AFAP1: variants seen among roughly 807,000 people sequenced by gnomAD.
The protein encoded by AFAP1 is actin filament-associated protein 1.
AFAP1 carries 75 observed loss-of-function variants against 93.9 expected under a neutral mutation model. The observed-to-expected ratio is 0.80, with a 90% CI of 0.66 to 0.97. The LOEUF (loss-of-function observed/expected upper bound fraction) is 0.97, where lower values mean the gene tolerates loss of function less well. AFAP1 is among the 50% of genes least tolerant of loss of function. The pLI is 0.00. For synonymous variants in AFAP1, 517 were observed against 430.7 expected (o/e 1.20, Z -2.48); for missense variants, 1,201 against 1,050.8 (o/e 1.14, Z -1.98).
At chr4:7,850,691 A>G (rs1222660400) in intron 4 of AFAP1, among the ~76,000 whole-genome samples, 1 of 152,178 alleles carries the variant, frequency 6.6e-6, no homozygotes, top group African/African-American at 2.4e-5. Flanking sequence ...CATGTTGCGC[A>G]CCCTGCTGGT....
intron 1 of AFAP1, among the ~76,000 whole-genome samples, chr4:7,918,003 G>T (rs1309056992): frequency 6.6e-6 from 1 of 152,230 alleles, no homozygotes; most frequent in Non-Finnish European, 1.5e-5. Context: ...ACCAGCTGTT[G>T]CTTGAACCAG....
intron 3 of AFAP1, among the ~76,000 whole-genome samples, chr4:7,856,541 A>G (rs1054951530): frequency 2.0e-5 from 3 of 152,136 alleles, no homozygotes; most frequent in African/African-American, 4.8e-5. Flanking sequence ...CACCTGGCCC[A>G]TCACAATTTT....
chr4:7,811,169 G>C (rs1230843258), intron 8 of AFAP1, among the ~76,000 whole-genome samples: 1 of 152,220 alleles, frequency 6.6e-6, no homozygotes, highest in Non-Finnish European at 1.5e-5. Flanking sequence ...CTGGAGCTGA[G>C]GGGACAGAGA....
rs11736215 is a variant in AFAP1, at chr4:7,760,775, A to C, written c.*2990T>G. On this transcript the variant is annotated 3_prime_UTR_variant, in exon 18 of 18. Transcript: ENST00000420658. ...AGTGACACTGTGGCTCAAGGTTAGAATGGAAGGAGCCCTGAGCCCCGCAGG... is the reference window on the plus strand; with the variant it reads ...AGTGACACTGTGGCTCAAGGTTAGACTGGAAGGAGCCCTGAGCCCCGCAGG... The C allele has an allele frequency of 0.35, 53,241 of 152,308 alleles. 10,473 individuals carry two copies. The highest frequency in any genetic ancestry group is 0.46 in the Non-Finnish European group (30,972 of 68,026). The allele number at this position is 152,308 out of a possible 1,614,324, so 9.4% of individuals were successfully genotyped here. A position where few individuals can be genotyped will look rare whatever the true frequency, so the allele number is the denominator to read the frequency against.
At chr4:7,777,722 C>T (rs1455652719) in intron 14 of AFAP1, 2 of 152,220 alleles carry the variant, frequency 1.3e-5, no homozygotes, top group Non-Finnish European at 2.9e-5. Flanking sequence ...AACATCTGCA[C>T]CTAACTCCCA....
At chr4:7,766,356 C>T (rs1714576503) in intron 17 of AFAP1, among the ~76,000 whole-genome samples, 1 of 152,208 alleles carries the variant, frequency 6.6e-6, no homozygotes, top group Non-Finnish European at 1.5e-5. Context: ...CCCCCATTTC[C>T]TCCCAGGCAG....
At chr4:7,884,034 C>T (rs992891241) in intron 1 of AFAP1, among the ~76,000 whole-genome samples, 7 of 152,114 alleles carry the variant, frequency 4.6e-5, no homozygotes, top group African/African-American at 1.4e-4. Flanking sequence ...GGGTGGATCC[C>T]TCATGGCTTG....
At chr4:7,821,852 T>C (rs1720998494) in intron 6 of AFAP1, among the ~76,000 whole-genome samples, 2 of 152,102 alleles carry the variant, frequency 1.3e-5, no homozygotes, top group South Asian at 2.1e-4. Flanking sequence ...TCAGCTGTTT[T>C]ATGAAAAAAC....
rs142842842 is a variant in AFAP1 at position 7,858,937 on chromosome 4, C to T, written c.226-3363G>A. Among the ~76,000 whole-genome samples, 488 of 152,338 alleles carry T rather than the reference C, an allele frequency of 3.2e-3. 3 individuals carry two copies. Among genetic ancestry groups the T allele is most frequent in the African/African-American group, 0.011 (468 of 41,574 alleles). ...CCATGTCCTCCCAAAGGATAAAGGA[C>T]GTGCGAATCTCTGGGCAGAGCAAGT... On this transcript the variant is annotated intron_variant, in intron 3 of 17. Coordinates refer to ENST00000420658, the MANE Select transcript of AFAP1 (RefSeq NM_001134647.2).
chr4:7,771,583 G>A (rs1003980681), intron 16 of AFAP1, among the ~76,000 whole-genome samples: 2 of 152,138 alleles, frequency 1.3e-5, no homozygotes, highest in African/African-American at 4.8e-5. Flanking sequence ...GCTTCGGTGG[G>A]CACTGTGCCA....
At chr4:7,839,928 GTTA>G (rs939497095) in intron 5 of AFAP1, among the ~76,000 whole-genome samples, 5 of 152,084 alleles carry the variant, frequency 3.3e-5, no homozygotes, top group African/African-American at 9.7e-5. Context: ...TGCAGTTATT[GTTA>G]TTATTATTTT....
chr4:7,850,067 G>C (rs1360067399), intron 4 of AFAP1, among the ~76,000 whole-genome samples: 1 of 152,154 alleles, frequency 6.6e-6, no homozygotes, highest in Admixed American at 6.5e-5. Context: ...GATGCCACGA[G>C]AAGGTTGTGA....
At chr4:7,908,174 T>C (rs1719532334) in intron 1 of AFAP1, among the ~76,000 whole-genome samples, 1 of 151,924 alleles carries the variant, frequency 6.6e-6, no homozygotes, top group Non-Finnish European at 1.5e-5. Flanking sequence ...ATCACACCAC[T>C]GTACTCCAGC....
intron 3 of AFAP1, among the ~76,000 whole-genome samples, chr4:7,856,332 T>A (rs994909914): frequency 1.3e-5 from 2 of 152,028 alleles, no homozygotes; most frequent in Non-Finnish European, 2.9e-5. Context: ...AAGCTCTGCC[T>A]CCTGGGTTCA....
intron 5 of AFAP1, 128 bp downstream of exon 5, chr4:7,843,011 G>C (rs1291037243): frequency 4.7e-6 from 5 of 1,056,928 alleles, no homozygotes; most frequent in Middle Eastern, 3.1e-4. Context: ...GGCTAGCTCA[G>C]GGCACCTGGC....
chr4:7,840,095 C>T (rs1712805368), intron 5 of AFAP1, among the ~76,000 whole-genome samples: 1 of 152,132 alleles, frequency 6.6e-6, no homozygotes, highest in African/African-American at 2.4e-5. Flanking sequence ...CCTGAAGAGT[C>T]AGGCAACCTG....
chr4:7,826,517 G>C (rs537194069), intron 6 of AFAP1, among the ~76,000 whole-genome samples: 100 of 152,374 alleles, frequency 6.6e-4, no homozygotes, highest in African/African-American at 2.3e-3. Flanking sequence ...AGACCACTTA[G>C]CAAGTGAAAA....
At chr4:7,894,550 G>A (rs539467171) in intron 1 of AFAP1, among the ~76,000 whole-genome samples, 23 of 152,288 alleles carry the variant, frequency 1.5e-4, no homozygotes, top group Non-Finnish European at 3.2e-4. Flanking sequence ...AGGCCAGCCC[G>A]CTTTGTGAAG....
chr4:7,795,427 T>C (rs1325472380), intron 10 of AFAP1, among the ~76,000 whole-genome samples: 1 of 98,780 alleles, frequency 1.0e-5, no homozygotes, highest in African/African-American at 3.8e-5. Context: ...TTTTTTTTTT[T>C]TTTTTTTTTT....
Sources: gnomAD v4.1 joint callset for allele counts (sites outside exome capture counted in the v4.1 genomes callset) on GRCh38, gnomAD v4.1.1 for gene constraint, MANE v1.5 for transcripts, NCBI Gene and HGNC (gene_info 2026-07-23, HGNC 2026-07-21) for gene names.